The following PTPN22 variants were observed in gnomAD, a reference collection of about 807,000 sequenced individuals.
PTPN22 encodes the protein protein tyrosine phosphatase non-receptor type 22.
In PTPN22, 85 loss-of-function variants were observed where a neutral mutation model predicts 103.3. That is an observed-to-expected ratio of 0.82 (90% CI 0.69 to 0.99). PTPN22 has a LOEUF of 0.99. PTPN22 is among the 50% of genes least tolerant of loss of function. The pLI is 0.00. For missense variants in PTPN22, 865 were observed against 936.9 expected (o/e 0.92, Z 1.00); for synonymous variants, 323 against 310.2 (o/e 1.04, Z -0.43).
intron 1 of PTPN22, among the ~76,000 whole-genome samples, chr1:113,865,563 G>C (rs529906260): frequency 1.2e-4 from 18 of 152,258 alleles, no homozygotes; most frequent in Admixed American, 8.5e-4. Context: ...TATTTATTAA[G>C]TCTAGCAAGG....
chr1:113,822,967 C>T lies in PTPN22; in HGVS notation c.2281+2175G>A, dbSNP rs12139293. On this transcript the variant is annotated intron_variant, in intron 19 of 20. Coordinates refer to ENST00000359785, the Ensembl canonical transcript of PTPN22. Reference sequence around the variant, plus strand: ...GAGCTAGACTCCGTCTCAAAAAAAGCGGGGGCTTTCTTGGACTACTCATTC... The same window carrying T: ...GAGCTAGACTCCGTCTCAAAAAAAGTGGGGGCTTTCTTGGACTACTCATTC... Among the ~76,000 whole-genome samples, 473 of 152,142 alleles carry T rather than the reference C, an allele frequency of 3.1e-3. 1 individual carries two copies. Among genetic ancestry groups the T allele is most frequent in the Middle Eastern group, 6.8e-3 (2 of 294 alleles).
At position 113,852,226 on chromosome 1, in the gene PTPN22, G is replaced by A. The variant is rs981414088; in HGVS notation, c.751-122C>T. 1.9e-5 allele frequency: 13 copies of A among 677,060 alleles called. No individual in the cohort carries two copies. The South Asian group carries it at 2.0e-4, about 10-fold the overall frequency. The allele number at this position is 677,060 out of a possible 1,614,324, so 41.9% of individuals were successfully genotyped here. On this transcript the variant is annotated intron_variant, in intron 9 of 20. Transcript: ENST00000359785. ...TAACATGGGGTAATATCAGAAAAAT[G>A]ATGCATTTTTAAAACAAATGAGGTT...
chr1:113,830,454 C>T (rs187792326), intron 16 of PTPN22, among the ~76,000 whole-genome samples: 42 of 151,810 alleles, frequency 2.8e-4, no homozygotes, highest in African/African-American at 9.4e-4. Context: ...GAAAGGAGAA[C>T]GGTTATATAT....
At position 113,863,883 on chromosome 1, in the gene PTPN22, C is replaced by T. The variant is rs374978861; in HGVS notation, c.88-4423G>A. On this transcript the variant is annotated intron_variant, in intron 1 of 20. Transcript: ENST00000359785. ...TAGGTATCTTCTTTCTGTTAGGATT[C>T]AATGAATCCTTTATATTTAATAAAT... Among the ~76,000 whole-genome samples, 138 of 147,332 alleles carry T rather than the reference C, an allele frequency of 9.4e-4. 5 individuals are homozygous for T. In the South Asian group the frequency reaches 0.029, roughly 31 times the overall value.
At chr1:113,836,625 T>C (rs940885880) in intron 13 of PTPN22, among the ~76,000 whole-genome samples, 1 of 152,176 alleles carries the variant, frequency 6.6e-6, no homozygotes, top group Non-Finnish European at 1.5e-5. Context: ...GCTGCTTCTA[T>C]ATGTTAAGAG....
chr1:113,840,216 C>A, intron 11 of PTPN22, among the ~76,000 whole-genome samples: 1 of 127,082 alleles, frequency 7.9e-6, no homozygotes, highest in Admixed American at 7.6e-5. Flanking sequence ...AACTTAATTC[C>A]ATCTCAAAAA....
At chr1:113,825,149 C>T (rs780469970) in exon 19 of PTPN22, 12 of 1,508,958 alleles carry the variant, frequency 8.0e-6, no homozygotes, top group Non-Finnish European at 1.1e-5. Flanking sequence ...TACTCTTTTT[C>T]ATGTTTCGCA....
At chr1:113,857,630 G>T in intron 5 of PTPN22, 108 bp downstream of exon 5, 1 of 978,050 alleles carries the variant, frequency 1.0e-6, no homozygotes. Context: ...CTATGAAGAT[G>T]ACATAAGTTT....
intron 11 of PTPN22, among the ~76,000 whole-genome samples, chr1:113,843,296 G>GTGTGTA (rs1367191353): frequency 6.6e-6 from 1 of 151,488 alleles, no homozygotes; most frequent in Non-Finnish European, 1.5e-5. Context: ...ATGTGTGTGT[G>GTGTGTA]TGTGTGTGTG....
chr1:113,861,319 C>T (rs1329880522), intron 1 of PTPN22, among the ~76,000 whole-genome samples: 1 of 152,184 alleles, frequency 6.6e-6, no homozygotes, highest in Non-Finnish European at 1.5e-5. Flanking sequence ...CGGTTCACTG[C>T]AACCTCTGCC....
At chr1:113,825,875 G>A (rs1662013406) in intron 18 of PTPN22, among the ~76,000 whole-genome samples, 1 of 151,902 alleles carries the variant, frequency 6.6e-6, no homozygotes, top group Non-Finnish European at 1.5e-5. Flanking sequence ...TACCATGCCT[G>A]GCTAATTTTT....
intron 10 of PTPN22, among the ~76,000 whole-genome samples, chr1:113,850,039 C>CA (rs537044402): frequency 7.3e-5 from 11 of 151,462 alleles, no homozygotes; most frequent in South Asian, 2.1e-4. Context: ...ACTAAAAATA[C>CA]AAAAAAAATT....
At chr1:113,838,321 T>G in exon 13 of PTPN22, 2 of 1,611,992 alleles carry the variant, frequency 1.2e-6, no homozygotes, top group Non-Finnish European at 8.5e-7. Flanking sequence ...TGCACTTATT[T>G]CAGAAGTCCT....
intron 10 of PTPN22, among the ~76,000 whole-genome samples, chr1:113,851,042 G>A (rs1664524071): frequency 6.6e-6 from 1 of 152,150 alleles, no homozygotes; most frequent in Admixed American, 6.6e-5. Flanking sequence ...TAATATTGTA[G>A]GCAGTGAGAG....
intron 7 of PTPN22, among the ~76,000 whole-genome samples, chr1:113,855,683 A>G (rs976297436): frequency 2.0e-5 from 3 of 152,134 alleles, no homozygotes; most frequent in Admixed American, 2.0e-4. Flanking sequence ...AGGTGACCAG[A>G]TGCTTTCTGA....
At chr1:113,860,063 G>C (rs1043993181) in intron 1 of PTPN22, among the ~76,000 whole-genome samples, 2 of 151,024 alleles carry the variant, frequency 1.3e-5, no homozygotes, top group African/African-American at 2.4e-5. Context: ...CTGGGCTCAG[G>C]TGATTCTTCC....
At chr1:113,860,987 T>A (rs770657743) in intron 1 of PTPN22, among the ~76,000 whole-genome samples, 30 of 152,276 alleles carry the variant, frequency 2.0e-4, no homozygotes, top group Non-Finnish European at 3.5e-4. Flanking sequence ...GTCCTATATT[T>A]GTTTAGCTGC....
At chr1:113,818,536 A>G (rs548801460) in intron 20 of PTPN22, among the ~76,000 whole-genome samples, 1 of 152,298 alleles carries the variant, frequency 6.6e-6, no homozygotes, top group South Asian at 2.1e-4. Context: ...ACAGATCCAG[A>G]AATTTTAGTT....
At chr1:113,851,753 C>T (rs1261929817) in intron 10 of PTPN22, among the ~76,000 whole-genome samples, 1 of 152,188 alleles carries the variant, frequency 6.6e-6, no homozygotes, top group Non-Finnish European at 1.5e-5. Context: ...ACTTTTACAA[C>T]ATCCTTTGTA....
Sources: allele counts gnomAD v4.1 joint callset (sites outside exome capture counted in the v4.1 genomes callset), GRCh38; gene constraint gnomAD v4.1.1; transcripts MANE v1.5; gene names NCBI Gene and HGNC (gene_info 2026-07-23, HGNC 2026-07-21).